The following TTLL3 variants were observed in gnomAD, a reference collection of about 807,000 sequenced individuals.
TTLL3 encodes tubulin monoglycylase TTLL3.
A neutral mutation model predicts 75.2 loss-of-function variants in TTLL3; 63 were observed. That is an observed-to-expected ratio of 0.84 (90% CI 0.68 to 1.03). The LOEUF (loss-of-function observed/expected upper bound fraction) is 1.03. TTLL3 is among the 50% of genes least tolerant of loss of function. The pLI is 0.00. For missense variants in TTLL3, 997 were observed against 1,069.9 expected (o/e 0.93, Z 0.95); for synonymous variants, 393 against 418.5 (o/e 0.94, Z 0.74).
Position 9,829,143 on chromosome 3 carries a change from C to T in TTLL3, c.1431C>T (p.His477=), listed in dbSNP as rs748638698. 1.4e-5 allele frequency: 23 copies of T among 1,614,124 alleles called. No individual in the cohort carries two copies. Among genetic ancestry groups the T allele is most frequent in the African/African-American group, 1.1e-4 (8 of 74,936 alleles). Residue 477 remains histidine, a synonymous_variant, in exon 11 of 14, where the codon CAC becomes CAT. Coordinates refer to ENST00000685419, the MANE Select transcript of TTLL3 (RefSeq NM_001387446.1). ...CTGGCATGAAGGATGCTGTGATCCA[C>T]GCACTTCAGACCTCCCAGGACACCG... is the stretch of plus-strand genomic sequence containing the variant. ...IVPGMKDAVI[H]ALQTSQDTVQ...
chr3:9,832,994 G>C, intron 11 of TTLL3, 110 bp from the exon 12 acceptor site: 2 of 1,365,018 alleles, frequency 1.5e-6, no homozygotes, highest in Non-Finnish European at 2.0e-6. Flanking sequence ...ACGCCTCTTT[G>C]ACCAGGTGCC....
At chr3:9,831,288 T>C (rs930282156) in intron 11 of TTLL3, among the ~76,000 whole-genome samples, 3 of 152,230 alleles carry the variant, frequency 2.0e-5, no homozygotes, top group Admixed American at 2.0e-4. Context: ...TCCCACATTC[T>C]GGATTTATCT....
rs1413490160 is a variant in TTLL3, at chr3:9,810,646, C to T, written c.-16C>T. On this transcript the variant is annotated 5_prime_UTR_variant, in exon 2 of 14. Coordinates refer to ENST00000685419, the MANE Select transcript of TTLL3 (RefSeq NM_001387446.1). This position sits in a 1 kb window ranked among gnomAD's most constrained non-coding sequence, Gnocchi z 4.4. ...GTTTCCCGGTCCTCTGGCGAGGATCCTCCAAGGCGTCTCACATGAACCGGC... is the reference window on the plus strand; with the variant it reads ...GTTTCCCGGTCCTCTGGCGAGGATCTTCCAAGGCGTCTCACATGAACCGGC... 6 of 1,577,562 alleles carry T rather than the reference C, an allele frequency of 3.8e-6. No individual in the cohort carries two copies. Among genetic ancestry groups the T allele is most frequent in the African/African-American group, 1.3e-5 (1 of 74,528 alleles).
rs759931603 is a variant in TTLL3 at position 9,827,193 on chromosome 3, C to G, written c.1200C>G (p.Ser400Arg). The change falls in exon 10 of 14, where the codon AGC (serine) becomes AGG (arginine). Residue 400 changes from serine to arginine, a missense_variant. Coordinates refer to ENST00000685419, the MANE Select transcript of TTLL3 (RefSeq NM_001387446.1). ...TTACCGTGTGGTTCTACCGCGACAG[C>G]TATATCCGCTTTTCCACGCAGCCCT... Reference protein sequence around the residue: ...NPLTVWFYRDSYIRFSTQPFS... With the variant: ...NPLTVWFYRDRYIRFSTQPFS... 6.2e-7 allele frequency: 1 copy of G among 1,614,130 alleles called. No homozygotes were observed. The highest frequency in any genetic ancestry group is 1.1e-5 in the South Asian group (1 of 91,088).
chr3:9,816,241 C>T, intron 5 of TTLL3, 39 bp downstream of exon 5: 1 of 1,326,810 alleles, frequency 7.5e-7, no homozygotes, highest in South Asian at 1.2e-5. Context: ...AGCTTCCGAC[C>T]CCCTGCCCTT....
chr3:9,830,767 G>A (rs1372016931), intron 11 of TTLL3, among the ~76,000 whole-genome samples: 1 of 152,162 alleles, frequency 6.6e-6, no homozygotes, highest in African/African-American at 2.4e-5. Flanking sequence ...AGCTTGGGGA[G>A]GAGACTATGT....
chr3:9,812,101 G>A (rs190854931), intron 2 of TTLL3, among the ~76,000 whole-genome samples: 134 of 152,298 alleles, frequency 8.8e-4, no homozygotes, highest in African/African-American at 3.1e-3. Context: ...GGCCAGACGC[G>A]GTGGCTTACA....
At chr3:9,824,590 T>G (rs1260787779) in intron 8 of TTLL3, among the ~76,000 whole-genome samples, 3 of 152,068 alleles carry the variant, frequency 2.0e-5, no homozygotes, top group Non-Finnish European at 4.4e-5. Context: ...TTTGTATTTT[T>G]AGGAGAGATG....
At chr3:9,820,207 T>C in intron 7 of TTLL3, 1 of 1,069,472 alleles carries the variant, frequency 9.4e-7, no homozygotes, top group East Asian at 6.7e-5. Flanking sequence ...TGGGTTCACA[T>C]AGGCCAAGAC....
chr3:9,810,225 C>T (rs753376438), upstream of TTLL3: 2 of 1,506,058 alleles, frequency 1.3e-6, no homozygotes, highest in South Asian at 2.5e-5. The surrounding 1 kb of genome is among the most constrained non-coding windows in gnomAD (Gnocchi z 4.4). Flanking sequence ...CCGCCCAGTC[C>T]GAGGAGGGTC....
rs369162942 is a variant in TTLL3, at chr3:9,812,933, C to T, written c.49-10C>T. On this transcript the variant is annotated splice_polypyrimidine_tract_variant and intron_variant, in intron 2 of 13. Coordinates refer to ENST00000685419, the MANE Select transcript of TTLL3 (RefSeq NM_001387446.1). Reference sequence around the variant, plus strand: ...ACTTATTGAAGAAGTATCCTTCTCTCACATTGCAGCAGAAGAAGATCTTTA... The same window carrying T: ...ACTTATTGAAGAAGTATCCTTCTCTTACATTGCAGCAGAAGAAGATCTTTA... 8 of 1,490,774 alleles carry T rather than the reference C, an allele frequency of 5.4e-6. No individual in the cohort carries two copies. In the African/African-American group the frequency reaches 9.8e-5, roughly 18 times the overall value. 92.3% of individuals were successfully genotyped at this position (1,490,774 alleles called of 1,614,324 possible).
intron 9 of TTLL3, 115 bp from the exon 10 acceptor site, chr3:9,826,882 C>T: frequency 6.6e-7 from 1 of 1,523,136 alleles, no homozygotes; most frequent in East Asian, 2.3e-5. Context: ...TTGAGGGAGA[C>T]AGCCTTACCC....
intron 6 of TTLL3, chr3:9,818,463 G>C (rs1559738973): frequency 5.0e-6 from 1 of 199,042 alleles, no homozygotes; most frequent in Non-Finnish European, 1.0e-5. Context: ...CCGCCTCCCA[G>C]GTTCCCGCCA....
At chr3:9,810,016 C>T (rs567692654), upstream of TTLL3, 570 of 590,490 alleles carry the variant, frequency 9.7e-4, 6 homozygotes, top group South Asian at 0.023. The surrounding 1 kb of genome is among the most constrained non-coding windows in gnomAD (Gnocchi z 4.4). Context: ...CATGCAGGGC[C>T]CCGACGCGCC....
At chr3:9,815,763 G>C (rs748271210) in intron 4 of TTLL3, among the ~76,000 whole-genome samples, 1 of 152,222 alleles carries the variant, frequency 6.6e-6, no homozygotes, top group Non-Finnish European at 1.5e-5. Flanking sequence ...TCCTTCTCAC[G>C]CTGCCACCGC....
At chr3:9,819,844 A>C in intron 7 of TTLL3, 2 of 985,434 alleles carry the variant, frequency 2.0e-6, no homozygotes, top group Non-Finnish European at 2.4e-6. Context: ...GTGCCAGGAT[A>C]AGGGGCACAA....
intron 12 of TTLL3, among the ~76,000 whole-genome samples, chr3:9,833,914 C>T (rs886872986): frequency 1.3e-5 from 2 of 151,852 alleles, no homozygotes; most frequent in Non-Finnish European, 2.9e-5. Flanking sequence ...AGTTCGAGAC[C>T]AGCCTGGCCA....
rs2079231682 is a variant in TTLL3 at position 9,810,412 on chromosome 3, C to T, written c.-42+18C>T. 6.4e-6 allele frequency: 9 copies of T among 1,413,188 alleles called. No homozygotes were observed. The highest frequency in any genetic ancestry group is 1.5e-5 in the South Asian group (1 of 65,752). The allele number at this position is 1,413,188 out of a possible 1,614,324, so 87.5% of individuals were successfully genotyped here. A position where few individuals can be genotyped will look rare whatever the true frequency, so the allele number is the denominator to read the frequency against. Reference sequence around the variant, plus strand: ...GCAGGATGGTGAGGCCCGTGCGGCCCGCTCGCTCTGGCCTACAGCGGCTGC... The same window carrying T: ...GCAGGATGGTGAGGCCCGTGCGGCCTGCTCGCTCTGGCCTACAGCGGCTGC... On this transcript the variant is annotated intron_variant, in intron 1 of 13. Transcript: ENST00000685419. This position sits in a 1 kb window ranked among gnomAD's most constrained non-coding sequence, Gnocchi z 4.4.
chr3:9,832,165 A>G (rs965620811), intron 11 of TTLL3, among the ~76,000 whole-genome samples: 1 of 135,834 alleles, frequency 7.4e-6, no homozygotes, highest in Non-Finnish European at 1.5e-5. Flanking sequence ...GGCTCACTGC[A>G]ACTTCTGTCT....
Sources: gnomAD v4.1 joint callset for allele counts (sites outside exome capture counted in the v4.1 genomes callset) on GRCh38, gnomAD v4.1.1 for gene constraint, Gnocchi (gnomAD v3.1) non-coding constraint, MANE v1.5 for transcripts, NCBI Gene and HGNC (gene_info 2026-07-23, HGNC 2026-07-21) for gene names.